Variants in CNTN1 observed in about 807,000 individuals in gnomAD.
CNTN1 encodes the protein contactin 1, also known as contactin-1.
Under a neutral mutation model 126.4 loss-of-function variants are expected in CNTN1, and 38 were observed. The ratio of observed to expected loss-of-function variants is 0.30; its 90% CI spans 0.23 to 0.39. CNTN1 has a LOEUF of 0.39. Among genes scored for constraint, CNTN1 ranks in the 10% least tolerant of loss-of-function variants. The pLI, the probability that CNTN1 is intolerant of heterozygous loss-of-function variation, is 1.00. For synonymous variants in CNTN1, 413 were observed against 422.6 expected (o/e 0.98, Z 0.28); for missense variants, 1,009 against 1,248.4 (o/e 0.81, Z 2.89).
At chr12:40,936,299 G>A (rs544683176) in intron 9 of CNTN1, among the ~76,000 whole-genome samples, 7 of 152,008 alleles carry the variant, frequency 4.6e-5, no homozygotes, top group East Asian at 3.9e-4. Flanking sequence ...TTTTTCTAGC[G>A]CCAAAGTGAG....
chr12:40,925,628 T>A (rs1419192480), intron 6 of CNTN1, among the ~76,000 whole-genome samples: 1 of 145,042 alleles, frequency 6.9e-6, no homozygotes, highest in Non-Finnish European at 1.5e-5. Flanking sequence ...TATATACACA[T>A]ATATATATAT....
chr12:40,756,434 AG>A (rs1425241513), intron 1 of CNTN1, among the ~76,000 whole-genome samples: 1 of 152,138 alleles, frequency 6.6e-6, no homozygotes, highest in Non-Finnish European at 1.5e-5. Flanking sequence ...AATAACTAAA[AG>A]GTCAGTGTTT....
In CNTN1 at chr12:41,071,904, A is replaced by G. The variant is rs943700355; in HGVS notation, c.*1869A>G. 6.6e-6 allele frequency: 1 copy of G among 152,206 alleles called. No individual in the cohort carries two copies. Among genetic ancestry groups the G allele is most frequent in the Non-Finnish European group, 1.5e-5 (1 of 68,016 alleles). 9.4% of individuals were successfully genotyped at this position (152,206 alleles called of 1,614,324 possible). On this transcript the variant is annotated 3_prime_UTR_variant, in exon 24 of 24. Transcript: ENST00000551295. ...CCATGTTGGGCATTTTTATATAATCAACAACTAAATCTTTTGCCAAATGCA... is the reference window on the plus strand; with the variant it reads ...CCATGTTGGGCATTTTTATATAATCGACAACTAAATCTTTTGCCAAATGCA...
At chr12:40,933,939 A>C in intron 9 of CNTN1, 61 bp downstream of exon 9, 6 of 1,320,018 alleles carry the variant, frequency 4.5e-6, no homozygotes, top group Non-Finnish European at 6.5e-6. Flanking sequence ...AGCCATTTCC[A>C]TACATGAAAA....
intron 1 of CNTN1, among the ~76,000 whole-genome samples, chr12:40,730,469 A>G (rs1166702312): frequency 6.6e-6 from 1 of 152,228 alleles, no homozygotes; most frequent in Non-Finnish European, 1.5e-5. Flanking sequence ...GATGGTGACT[A>G]TAGCAGGGAT....
intron 17 of CNTN1, among the ~76,000 whole-genome samples, chr12:40,994,255 C>A (rs528018466): frequency 6.6e-6 from 1 of 152,006 alleles, no homozygotes; most frequent in African/African-American, 2.4e-5. Context: ...TTCTCTCTGA[C>A]GATTTTTACT....
At chr12:40,978,003 A>G (rs1012126116) in intron 15 of CNTN1, among the ~76,000 whole-genome samples, 1 of 151,896 alleles carries the variant, frequency 6.6e-6, no homozygotes, top group African/African-American at 2.4e-5. Context: ...CGGTTTCACT[A>G]TGTTGGCCAG....
Position 41,032,441 on chromosome 12 carries a change from T to G in CNTN1, c.2980+3222T>G, listed in dbSNP as rs75021648. ...CAGGTAACATCTACATTTCTTACTG[T>G]GGCCTATAGTGGTCTATATAATCCA... On this transcript the variant is annotated intron_variant, in intron 23 of 23. Coordinates refer to ENST00000551295, the MANE Select transcript of CNTN1 (RefSeq NM_001843.4). Among the ~76,000 whole-genome samples the G allele has an allele frequency of 3.9e-4, 60 of 152,226 alleles. 1 individual carries two copies. In the East Asian group the frequency reaches 0.011, roughly 27 times the overall value.
chr12:40,783,428 GT>G (rs1458343494), intron 1 of CNTN1, among the ~76,000 whole-genome samples: 3 of 151,988 alleles, frequency 2.0e-5, no homozygotes, highest in South Asian at 2.1e-4. Context: ...TTTTGAATTT[GT>G]TTTTTGTTAG....
intron 1 of CNTN1, among the ~76,000 whole-genome samples, chr12:40,794,137 T>A (rs946816935): frequency 1.3e-5 from 2 of 152,192 alleles, no homozygotes; most frequent in Non-Finnish European, 2.9e-5. Context: ...GGAAACCAAC[T>A]GAGATAAATA....
At chr12:40,730,470 T>A (rs1220763767) in intron 1 of CNTN1, among the ~76,000 whole-genome samples, 1 of 152,238 alleles carries the variant, frequency 6.6e-6, no homozygotes, top group Non-Finnish European at 1.5e-5. Flanking sequence ...ATGGTGACTA[T>A]AGCAGGGATG....
intron 1 of CNTN1, among the ~76,000 whole-genome samples, chr12:40,881,653 G>T (rs1300293105): frequency 6.6e-6 from 1 of 151,840 alleles, no homozygotes; most frequent in East Asian, 1.9e-4. Context: ...AGAAGGATCA[G>T]AAAATGGAAA....
At chr12:41,025,667 G>A (rs1297523052) in intron 21 of CNTN1, among the ~76,000 whole-genome samples, 2 of 152,126 alleles carry the variant, frequency 1.3e-5, no homozygotes, top group Non-Finnish European at 2.9e-5. Flanking sequence ...TACATCAACA[G>A]CATGTGAAAA....
At position 41,030,077 on chromosome 12, in the gene CNTN1, A is replaced by G. The variant is rs1049513888; in HGVS notation, c.2980+858A>G. Among the ~76,000 whole-genome samples the G allele has an allele frequency of 5.3e-5, 8 of 152,082 alleles. No homozygotes were observed. In the East Asian group the frequency reaches 1.3e-3, roughly 26 times the overall value. ...GAACAAAGATGATAATAAATAATTT[A>G]TAAGAAAATTTGGTTAATCTGTACA... On this transcript the variant is annotated intron_variant, in intron 23 of 23. Transcript: ENST00000551295.
At chr12:40,911,348 A>C (rs965727051) in intron 3 of CNTN1, among the ~76,000 whole-genome samples, 1 of 152,136 alleles carries the variant, frequency 6.6e-6, no homozygotes, top group African/African-American at 2.4e-5. Flanking sequence ...CCAAAGAGCT[A>C]GGATTACAGG....
At chr12:40,906,638 A>T (rs1270096892) in intron 1 of CNTN1, among the ~76,000 whole-genome samples, 1 of 141,908 alleles carries the variant, frequency 7.0e-6, no homozygotes, top group East Asian at 2.0e-4. Flanking sequence ...ACACTACAAC[A>T]TGTGTTTTCC....
At chr12:40,905,707 AT>A (rs368122249) in intron 1 of CNTN1, among the ~76,000 whole-genome samples, 1,999 of 152,258 alleles carry the variant, frequency 0.013, 40 homozygotes, top group African/African-American at 0.045. Flanking sequence ...AAGTTTTGGC[AT>A]TTTTATGTGT....
chr12:40,933,913 T>A, intron 9 of CNTN1, 35 bp downstream of exon 9: 1 of 1,546,770 alleles, frequency 6.5e-7, no homozygotes, highest in Non-Finnish European at 8.9e-7. Flanking sequence ...ATAAATTTCA[T>A]CAGTATCTTA....
chr12:40,743,633 C>A (rs1408119874), intron 1 of CNTN1, among the ~76,000 whole-genome samples: 3 of 151,958 alleles, frequency 2.0e-5, no homozygotes, highest in Non-Finnish European at 4.4e-5. Flanking sequence ...CCTTTGCCCA[C>A]TTTGTAATGG....
Sources: allele counts gnomAD v4.1 joint callset (sites outside exome capture counted in the v4.1 genomes callset), GRCh38; gene constraint gnomAD v4.1.1; transcripts MANE v1.5; gene names NCBI Gene and HGNC (gene_info 2026-07-23, HGNC 2026-07-21).